The following TBX4 variants were observed in gnomAD, a reference collection of about 807,000 sequenced individuals.
The protein encoded by TBX4 is T-box transcription factor TBX4.
In TBX4, 13 loss-of-function variants were observed where a neutral mutation model predicts 54.6. That is an observed-to-expected ratio of 0.24 (90% confidence interval 0.15 to 0.38). The LOEUF (loss-of-function observed/expected upper bound fraction) is 0.38. Among genes scored for constraint, TBX4 ranks in the 10% least tolerant of loss-of-function variants. The probability of loss-of-function intolerance (pLI) is 1.00; values close to 1 mark genes in which losing one functional copy is unlikely to be tolerated. For synonymous variants in TBX4, 314 were observed against 306.7 expected, an observed-to-expected ratio of 1.02 and a Z score of -0.25; for missense variants, 631 against 728.5, an observed-to-expected ratio of 0.87 and a Z score of 1.54.
rs909138235 is a variant in TBX4, at chr17:61,475,193, T to C, written c.550-3434T>C. ...TGGTTCCCTGCCTCGGAAGATGTGT[T>C]GGGCACTCTCTCCACCCTAGTCATC... On this transcript the variant is annotated intron_variant, in intron 5 of 8. Coordinates refer to ENST00000644296, the MANE Select transcript of TBX4 (RefSeq NM_001321120.2). This position sits in a 1 kb window ranked among gnomAD's most constrained non-coding sequence, Gnocchi z 5.0. Among the ~76,000 whole-genome samples the C allele has an allele frequency of 6.6e-6, 1 of 152,230 alleles. No individual in the cohort carries two copies. The highest frequency in any genetic ancestry group is 6.5e-5 in the Admixed American group (1 of 15,290).
rs1326028494 is a variant in TBX4, at chr17:61,483,080, T to C, written c.1205T>C (p.Ile402Thr). The change falls in exon 9 of 9, where the codon ATT becomes ACT. Residue 402 changes from isoleucine to threonine, a missense_variant. By Grantham distance (89) the Ile-to-Thr change is moderately conservative. Transcript: ENST00000644296. The surrounding 1 kb of genome is among the most constrained non-coding windows in gnomAD (Gnocchi z 6.6). ...ATGTACTCAGGTTCAGGGCCCGAGATTGCCGGGGTGTCTGGGGTGGACGAC... is the reference window on the plus strand; with the variant it reads ...ATGTACTCAGGTTCAGGGCCCGAGACTGCCGGGGTGTCTGGGGTGGACGAC... ...ACMYSGSGPE[I>T]AGVSGVDDLP... The C allele has an allele frequency of 2.5e-6, 4 of 1,613,910 alleles. No individual in the cohort carries two copies. Among genetic ancestry groups the C allele is most frequent in the Non-Finnish European group, 3.4e-6 (4 of 1,179,972 alleles).
rs1374401436 is a variant in TBX4, at chr17:61,472,888, T to G, written c.549+5231T>G. Among the ~76,000 whole-genome samples the G allele has an allele frequency of 6.6e-6, 1 of 151,986 alleles. No homozygotes were observed. On this transcript the variant is annotated intron_variant, in intron 5 of 8. Coordinates refer to ENST00000644296, the MANE Select transcript of TBX4 (RefSeq NM_001321120.2). The surrounding 1 kb of genome is among the most constrained non-coding windows in gnomAD (Gnocchi z 4.5). ...GTTGAGGTGCCTTATTTCTGAACACTAAATCCCTATATGAATGTGTGCCTG... is the reference window on the plus strand; with the variant it reads ...GTTGAGGTGCCTTATTTCTGAACACGAAATCCCTATATGAATGTGTGCCTG...
chr17:61,473,174 A>T (rs1027028553), intron 5 of TBX4, among the ~76,000 whole-genome samples: 1 of 152,236 alleles, frequency 6.6e-6, no homozygotes, highest in African/African-American at 2.4e-5. Flanking sequence ...TTCAAAACGT[A>T]TTCAGGTTTC....
intron 3 of TBX4, chr17:61,463,069 C>G (rs988665943): frequency 2.6e-5 from 4 of 152,336 alleles, no homozygotes; most frequent in African/African-American, 7.2e-5. Flanking sequence ...CCTTTCCCAA[C>G]GCTGGGTGGA....
At position 61,465,483 on chromosome 17, in the gene TBX4, G is replaced by C. The variant is rs936141680; in HGVS notation, c.282-336G>C. On this transcript the variant is annotated intron_variant, in intron 3 of 8. Transcript: ENST00000644296. This position sits in a 1 kb window ranked among gnomAD's most constrained non-coding sequence, Gnocchi z 4.9. ...GAATCTGCTCCCACAATCCTGACTGGGGTCTCTGTGCTTCAGCTGCTCATG... is the reference window on the plus strand; with the variant it reads ...GAATCTGCTCCCACAATCCTGACTGCGGTCTCTGTGCTTCAGCTGCTCATG... Among the ~76,000 whole-genome samples, 2 of 152,214 alleles carry C rather than the reference G, an allele frequency of 1.3e-5. No homozygotes were observed. The highest frequency in any genetic ancestry group is 4.8e-5 in the African/African-American group (2 of 41,440).
chr17:61,457,520 C>T lies in TBX4; in HGVS notation c.187-17C>T. On this transcript the variant is annotated splice_polypyrimidine_tract_variant and intron_variant, in intron 2 of 8. Transcript: ENST00000644296. This position sits in a 1 kb window ranked among gnomAD's most constrained non-coding sequence, Gnocchi z 8.2. ...CTGGGCCTGGCAGACACAAGTTTCT[C>T]TCCCTCCCATCCCCAGACCATCGAG... The T allele has an allele frequency of 6.2e-7, 1 of 1,612,090 alleles. No individual in the cohort carries two copies.
chr17:61,463,930 AGGGCC>A (rs1483450149), intron 3 of TBX4, among the ~76,000 whole-genome samples: 1 of 152,132 alleles, frequency 6.6e-6, no homozygotes, highest in Non-Finnish European at 1.5e-5. Flanking sequence ...GGAGAGAGGC[AGGGCC>A]GGGAAAGGGT....
intron 5 of TBX4, among the ~76,000 whole-genome samples, chr17:61,469,701 T>G (rs1159243798): frequency 6.6e-6 from 1 of 152,086 alleles, no homozygotes; most frequent in Admixed American, 6.5e-5. Flanking sequence ...AGAGAACCCT[T>G]GAAGAGGGAG....
chr17:61,457,693 C>T lies in TBX4; in HGVS notation c.281+62C>T. On this transcript the variant is annotated intron_variant, in intron 3 of 8. Transcript: ENST00000644296. The surrounding 1 kb of genome is among the most constrained non-coding windows in gnomAD (Gnocchi z 8.2). Reference sequence around the variant, plus strand: ...GGGGAGCAAGGGGGGCCAGGGAGGTCCCTTAGAAGTCCTCTCGGCCCCGGC... The same window carrying T: ...GGGGAGCAAGGGGGGCCAGGGAGGTTCCTTAGAAGTCCTCTCGGCCCCGGC... The T allele has an allele frequency of 6.6e-7, 1 of 1,516,662 alleles. No individual in the cohort carries two copies. Among genetic ancestry groups the T allele is most frequent in the South Asian group, 1.1e-5 (1 of 87,722 alleles). 94.0% of individuals were successfully genotyped at this position (1,516,662 alleles called of 1,614,324 possible).
At chr17:61,468,170 C>T (rs2060549644) in intron 5 of TBX4, among the ~76,000 whole-genome samples, 1 of 152,234 alleles carries the variant, frequency 6.6e-6, no homozygotes, top group Non-Finnish European at 1.5e-5. Context: ...TGACAGCCGC[C>T]TGCTTCTGGG....
Position 61,483,590 on chromosome 17 carries a change from C to A in TBX4, c.*74C>A. The A allele has an allele frequency of 6.5e-7, 1 of 1,527,370 alleles. No homozygotes were observed. The highest frequency in any genetic ancestry group is 1.1e-5 in the South Asian group (1 of 88,538). The allele number at this position is 1,527,370 out of a possible 1,614,324, so 94.6% of individuals were successfully genotyped here. On this transcript the variant is annotated 3_prime_UTR_variant, in exon 9 of 9. Transcript: ENST00000644296. The surrounding 1 kb of genome is among the most constrained non-coding windows in gnomAD (Gnocchi z 6.6). ...CCTCTGTGGGTGGCCTGCACTCTAC[C>A]AAGAAACACAGGAAGGTATTCCAGT... is the stretch of plus-strand genomic sequence containing the variant.
chr17:61,470,903 C>A, intron 5 of TBX4, among the ~76,000 whole-genome samples: 1 of 152,232 alleles, frequency 6.6e-6, no homozygotes, highest in Admixed American at 6.5e-5. Flanking sequence ...TCTAGCAATA[C>A]CTGGGCTTCA....
Position 61,465,782 on chromosome 17 carries a change from T to C in TBX4, c.282-37T>C. On this transcript the variant is annotated intron_variant, in intron 3 of 8. Coordinates refer to ENST00000644296, the MANE Select transcript of TBX4 (RefSeq NM_001321120.2). The surrounding 1 kb of genome is among the most constrained non-coding windows in gnomAD (Gnocchi z 4.9). Reference sequence around the variant, plus strand: ...CTCTGTTCCATCTCTCCTGGTGCTCTGTCCACACGCTCCGCCTCACCCCTC... The same window carrying C: ...CTCTGTTCCATCTCTCCTGGTGCTCCGTCCACACGCTCCGCCTCACCCCTC... The C allele has an allele frequency of 6.2e-7, 1 of 1,613,020 alleles. No individual in the cohort carries two copies.
At chr17:61,471,502 C>T (rs1055854004) in intron 5 of TBX4, among the ~76,000 whole-genome samples, 4 of 151,734 alleles carry the variant, frequency 2.6e-5, no homozygotes, top group Admixed American at 2.0e-4. Flanking sequence ...TTTCTTTCAA[C>T]CCCCAGTACA....
At chr17:61,456,438 C>T in intron 1 of TBX4, 50 bp from the exon 2 acceptor site, 2 of 1,543,538 alleles carry the variant, frequency 1.3e-6, no homozygotes, top group Non-Finnish European at 1.8e-6. Context: ...CAGGGGTCCT[C>T]TGGCGAGTGT....
chr17:61,467,843 C>G (rs2060547381), intron 5 of TBX4, among the ~76,000 whole-genome samples, 186 bp downstream of exon 5: 1 of 152,222 alleles, frequency 6.6e-6, no homozygotes, highest in African/African-American at 2.4e-5. Flanking sequence ...CCTTCCCGGC[C>G]ACTTACTGGC....
At chr17:61,466,074 G>C in intron 4 of TBX4, 136 bp downstream of exon 4, 2 of 1,411,860 alleles carry the variant, frequency 1.4e-6, no homozygotes, top group Non-Finnish European at 2.0e-6. Flanking sequence ...CCACTGCCTG[G>C]AACTGGCTGT....
Position 61,475,667 on chromosome 17 carries a change from C to T in TBX4, c.550-2960C>T, listed in dbSNP as rs771388868. Reference sequence around the variant, plus strand: ...TTGATGATGATACCCAGGGCTTTGACGAGCCCACGACTGCTTGTGACTGCC... The same window carrying T: ...TTGATGATGATACCCAGGGCTTTGATGAGCCCACGACTGCTTGTGACTGCC... On this transcript the variant is annotated intron_variant, in intron 5 of 8. Transcript: ENST00000644296. This position sits in a 1 kb window ranked among gnomAD's most constrained non-coding sequence, Gnocchi z 5.0. Among the ~76,000 whole-genome samples, 15 of 152,066 alleles carry T rather than the reference C, an allele frequency of 9.9e-5. No homozygotes were observed. The highest frequency in any genetic ancestry group is 2.1e-4 in the South Asian group (1 of 4,814).
At chr17:61,470,500 C>T (rs1410268396) in intron 5 of TBX4, among the ~76,000 whole-genome samples, 1 of 152,202 alleles carries the variant, frequency 6.6e-6, no homozygotes, top group African/African-American at 2.4e-5. Context: ...CCTAAAAGGA[C>T]TGAGCTCCCA....
Sources: allele counts gnomAD v4.1 joint callset (sites outside exome capture counted in the v4.1 genomes callset), GRCh38; gene constraint gnomAD v4.1.1; non-coding constraint Gnocchi (gnomAD v3.1); transcripts MANE v1.5; gene names NCBI Gene and HGNC (gene_info 2026-07-23, HGNC 2026-07-21).